The following ZNF618 variants were observed in gnomAD, a reference collection of about 807,000 sequenced individuals.
ZNF618 encodes the protein zinc finger protein 618, also known as neural precursor cell expressed, developmentally down-regulated 10.
In ZNF618, 34 loss-of-function variants were observed where a neutral mutation model predicts 103.0. The ratio of observed to expected loss-of-function variants is 0.33; its 90% CI spans 0.25 to 0.44. The LOEUF (loss-of-function observed/expected upper bound fraction) is 0.44, where lower values mean the gene tolerates loss of function less well. ZNF618 is among the 20% of genes least tolerant of loss of function. The probability of loss-of-function intolerance (pLI) is 1.00; values close to 1 mark genes in which losing one functional copy is unlikely to be tolerated. For synonymous variants in ZNF618, 551 were observed against 542.2 expected (o/e 1.02, Z -0.23); for missense variants, 1,059 against 1,295.4 (o/e 0.82, Z 2.80).
rs79611447 is a variant in ZNF618, at chr9:114,021,518, G to C, written c.844+4734G>C. Among the ~76,000 whole-genome samples, 850 of 152,192 alleles carry C rather than the reference G, an allele frequency of 5.6e-3. 9 individuals are homozygous for C. In the Middle Eastern group the frequency reaches 0.065, roughly 12 times the overall value. On this transcript the variant is annotated intron_variant, in intron 10 of 14. Coordinates refer to ENST00000374126, the MANE Select transcript of ZNF618 (RefSeq NM_001318042.2). ...AATGCCTATATTTAATCAGTGGTGTGTTAATGAAGGTCATAATTAAGAAAA... is the reference window on the plus strand; with the variant it reads ...AATGCCTATATTTAATCAGTGGTGTCTTAATGAAGGTCATAATTAAGAAAA...
intron 1 of ZNF618, among the ~76,000 whole-genome samples, chr9:113,964,775 T>C (rs34211486): frequency 1.3e-4 from 19 of 146,974 alleles, no homozygotes; most frequent in African/African-American, 3.8e-4. Flanking sequence ...TTTTTTTTGG[T>C]TGCTGCTATT....
rs117698291 is a variant in ZNF618 at position 113,951,223 on chromosome 9, C to T, written c.34-17894C>T. ...TGGTCGCTTAACCTCTCTGTGCTTC[C>T]CTTTCCTCATCAGATTAAAGGGAGG... is the stretch of plus-strand genomic sequence containing the variant. On this transcript the variant is annotated intron_variant, in intron 1 of 14. Transcript: ENST00000374126. Among the ~76,000 whole-genome samples the T allele has an allele frequency of 2.2e-4, 33 of 150,794 alleles. No individual in the cohort carries two copies. In the East Asian group the frequency reaches 6.6e-3, roughly 30 times the overall value.
At chr9:113,999,655 G>T (rs1167353894) in intron 4 of ZNF618, among the ~76,000 whole-genome samples, 1 of 152,232 alleles carries the variant, frequency 6.6e-6, no homozygotes, top group South Asian at 2.1e-4. Context: ...GCTGTAAACA[G>T]TATCTACTCC....
chr9:113,987,105 C>T (rs1315938651), intron 2 of ZNF618, among the ~76,000 whole-genome samples: 1 of 152,160 alleles, frequency 6.6e-6, no homozygotes, highest in Non-Finnish European at 1.5e-5. Flanking sequence ...GCTAGCATGG[C>T]CAGGGCAGTG....
chr9:114,017,676 G>A lies in ZNF618; in HGVS notation c.844+892G>A, dbSNP rs79081253. Among the ~76,000 whole-genome samples the A allele has an allele frequency of 1.5e-3, 225 of 152,302 alleles. 1 individual carries two copies. Among genetic ancestry groups the A allele is most frequent in the Admixed American group, 4.0e-3 (61 of 15,296 alleles). On this transcript the variant is annotated intron_variant, in intron 10 of 14. Coordinates refer to ENST00000374126, the MANE Select transcript of ZNF618 (RefSeq NM_001318042.2). ...TGGTTTTGTTTCTCACAGCAGAGCT[G>A]TGGGGATCCCTCTCCCCATTCTGTG...
chr9:113,940,432 A>G (rs1834441045), intron 1 of ZNF618, among the ~76,000 whole-genome samples: 1 of 152,126 alleles, frequency 6.6e-6, no homozygotes, highest in African/African-American at 2.4e-5. Flanking sequence ...CCATTTCTGG[A>G]AAGTATGCTT....
At chr9:114,021,335 T>G (rs139989834) in intron 10 of ZNF618, among the ~76,000 whole-genome samples, 3 of 152,230 alleles carry the variant, frequency 2.0e-5, no homozygotes, top group Non-Finnish European at 4.4e-5. Context: ...GCATCTAAAT[T>G]ACTTAACGAT....
intron 1 of ZNF618, among the ~76,000 whole-genome samples, chr9:113,951,440 T>TGC (rs1835636994): frequency 3.4e-5 from 1 of 29,464 alleles, no homozygotes; most frequent in African/African-American, 9.0e-5. Context: ...TGTATATATA[T>TGC]ACATATATGT....
intron 1 of ZNF618, among the ~76,000 whole-genome samples, chr9:113,949,807 C>T (rs1414052685): frequency 6.6e-6 from 1 of 152,226 alleles, no homozygotes; most frequent in Non-Finnish European, 1.5e-5. Context: ...GGATCGTTTC[C>T]TGATTAATTA....
At chr9:114,046,780 G>A (rs750508849) in intron 13 of ZNF618, among the ~76,000 whole-genome samples, 5 of 152,096 alleles carry the variant, frequency 3.3e-5, no homozygotes, top group Non-Finnish European at 5.9e-5. Context: ...TGCTTTTTCC[G>A]CATCTATTGA....
chr9:113,960,986 G>A (rs756211759), intron 1 of ZNF618, among the ~76,000 whole-genome samples: 27 of 152,178 alleles, frequency 1.8e-4, no homozygotes, highest in Non-Finnish European at 3.5e-4. Flanking sequence ...CGAAGTTCAC[G>A]GGCCTTGGTT....
intron 13 of ZNF618, among the ~76,000 whole-genome samples, chr9:114,039,340 G>GTTTTTTTTTTTTTTTTTTTTTTTTT (rs968810244): frequency 9.5e-6 from 1 of 104,748 alleles, no homozygotes; most frequent in Non-Finnish European, 2.1e-5. Context: ...TTTCTTGTTT[G>GTTTTTTTTTTTTTTTTTTTTTTTTT]TTTTTTTTTT....
At chr9:114,003,313 G>T (rs764972121) in intron 6 of ZNF618, among the ~76,000 whole-genome samples, 7 of 152,232 alleles carry the variant, frequency 4.6e-5, no homozygotes, top group Non-Finnish European at 8.8e-5. Flanking sequence ...TGTAGACTAG[G>T]ATGGAATCTC....
rs960632466 is a variant in ZNF618, at chr9:114,055,411, A to G, written c.*5244A>G. On this transcript the variant is annotated 3_prime_UTR_variant, in exon 15 of 15. Transcript: ENST00000374126. The stretch of plus-strand genomic sequence containing the variant: ...CTCGTCCAGGGCCATTCAGATCCCA[A>G]GCATCAGGAAATCATTTTGTACAAC... 1.3e-5 allele frequency: 2 copies of G among 152,682 alleles called. No homozygotes were observed. The highest frequency in any genetic ancestry group is 4.8e-5 in the African/African-American group (2 of 41,460). The allele number at this position is 152,682 out of a possible 1,614,324, so 9.5% of individuals were successfully genotyped here.
intron 1 of ZNF618, among the ~76,000 whole-genome samples, chr9:113,923,682 G>A (rs974810106): frequency 1.3e-5 from 2 of 152,022 alleles, no homozygotes; most frequent in African/African-American, 2.4e-5. Flanking sequence ...GTTCAATTTT[G>A]TACTATTTTG....
chr9:113,964,629 C>A (rs541713842), intron 1 of ZNF618, among the ~76,000 whole-genome samples: 1 of 151,838 alleles, frequency 6.6e-6, no homozygotes, highest in African/African-American at 2.4e-5. Flanking sequence ...CGGTTCCCCA[C>A]GTGCTTGGGT....
At chr9:113,987,512 GA>G (rs1437858727) in intron 2 of ZNF618, among the ~76,000 whole-genome samples, 1 of 152,184 alleles carries the variant, frequency 6.6e-6, no homozygotes, top group Admixed American at 6.5e-5. Flanking sequence ...GAGTCTTTTT[GA>G]ATTGGAGTTT....
At position 114,056,441 on chromosome 9, in the gene ZNF618, C is replaced by T. The variant is rs993010772; in HGVS notation, c.*6274C>T. On this transcript the variant is annotated 3_prime_UTR_variant, in exon 15 of 15. Coordinates refer to ENST00000374126, the MANE Select transcript of ZNF618 (RefSeq NM_001318042.2). Reference sequence around the variant, plus strand: ...AAAGCCCCAGCCCGGGATTCAGTACCTCCCCTGCCCCCCGAATTCTTGCAG... The same window carrying T: ...AAAGCCCCAGCCCGGGATTCAGTACTTCCCCTGCCCCCCGAATTCTTGCAG... 1 of 152,220 alleles carries T rather than the reference C, an allele frequency of 6.6e-6. No homozygotes were observed. Among genetic ancestry groups the T allele is most frequent in the Non-Finnish European group, 1.5e-5 (1 of 68,036 alleles). 9.4% of individuals were successfully genotyped at this position (152,220 alleles called of 1,614,324 possible).
chr9:113,945,432 C>A (rs1011140060), intron 1 of ZNF618, among the ~76,000 whole-genome samples: 1 of 152,234 alleles, frequency 6.6e-6, no homozygotes, highest in Admixed American at 6.5e-5. Context: ...CTTGACATTT[C>A]TCTACTGCAT....
Sources: allele counts gnomAD v4.1 joint callset (sites outside exome capture counted in the v4.1 genomes callset), GRCh38; gene constraint gnomAD v4.1.1; transcripts MANE v1.5; gene names NCBI Gene and HGNC (gene_info 2026-07-23, HGNC 2026-07-21).